The following RNF40 variants were observed in gnomAD, a reference collection of about 807,000 sequenced individuals.
RNF40 encodes E3 ubiquitin-protein ligase BRE1B.
A neutral mutation model predicts 123.3 loss-of-function variants in RNF40; 39 were observed. The observed-to-expected ratio is 0.32, with a 90% CI of 0.24 to 0.41. The LOEUF (loss-of-function observed/expected upper bound fraction) is 0.41, where lower values mean the gene tolerates loss of function less well. Ranked by LOEUF, RNF40 falls within the 10% of genes least tolerant of loss-of-function variation. The pLI is 1.00. For synonymous variants in RNF40, 538 were observed against 526.0 expected, an observed-to-expected ratio of 1.02 and a Z score of -0.31; for missense variants, 1,003 against 1,319.9, an observed-to-expected ratio of 0.76 and a Z score of 3.72.
Position 30,766,248 on chromosome 16 carries a change from T to C in RNF40, c.1079T>C (p.Leu360Pro). The C allele has an allele frequency of 6.2e-7, 1 of 1,614,146 alleles. No homozygotes were observed. The highest frequency in any genetic ancestry group is 8.5e-7 in the Non-Finnish European group (1 of 1,180,010). ...GAGCTGGAGAAACTGCAGGCCGAAC[T>C]TCAGGGGGCTGTGCGGACCAATGAG... ...MAELEKLQAE[L>P]QGAVRTNERL... The change falls in exon 9 of 20, where the codon CTT becomes CCT. Residue 360 changes from leucine to proline, a missense_variant. Physicochemically the swap from Leu to Pro is moderately conservative, Grantham distance 98. This residue lies in a region of RNF40 where 274 missense variants were observed against 356.9 expected (regional missense o/e 0.77). Coordinates refer to ENST00000324685, the MANE Select transcript of RNF40 (RefSeq NM_014771.4). The surrounding 1 kb of genome is among the most constrained non-coding windows in gnomAD (Gnocchi z 5.4).
chr16:30,768,903 C>A lies in RNF40; in HGVS notation c.2163C>A (p.Ile721=). The change falls in exon 15 of 20, where the codon ATC becomes ATA. Residue 721 remains isoleucine (I), a synonymous_variant. Transcript: ENST00000324685. The surrounding 1 kb of genome is among the most constrained non-coding windows in gnomAD (Gnocchi z 4.1). ...EERDRRESKK[I]ADEDALRRIR... ...GGGATCGAAGGGAGAGCAAGAAGAT[C>A]GCGGATGAGGATGCCCTGCGGCGCA... is the stretch of plus-strand genomic sequence containing the variant. 1.9e-6 allele frequency: 3 copies of A among 1,614,172 alleles called. No homozygotes were observed. Among genetic ancestry groups the A allele is most frequent in the Non-Finnish European group, 2.5e-6 (3 of 1,180,040 alleles).
Position 30,768,695 on chromosome 16 carries a change from A to G in RNF40, c.2056A>G (p.Lys686Glu), listed in dbSNP as rs1399180116. 2 of 1,614,118 alleles carry G rather than the reference A, an allele frequency of 1.2e-6. No homozygotes were observed. Among genetic ancestry groups the G allele is most frequent in the South Asian group, 1.1e-5 (1 of 91,084 alleles). Residue 686 changes from lysine (K) to glutamate (E), a missense_variant, in exon 14 of 20, where the codon AAG becomes GAG. Transcript: ENST00000324685. This position sits in a 1 kb window ranked among gnomAD's most constrained non-coding sequence, Gnocchi z 4.1. The part of the protein sequence containing the change: ...YKSAPKEQRD[K>E]VQLMAAERKA... ...GTCAGCGCCCAAGGAGCAGCGGGAT[A>G]AGGTGCAGCTCATGGCAGCGGAACG...
In RNF40 at chr16:30,763,107, T is replaced by C. The variant is rs548522437; in HGVS notation, c.133-11T>C. ...TGACGCTCTCGTCGGCCCCTTTGTT[T>C]CCTTTGGTAGGAGGAGATGGACCTG... is the stretch of plus-strand genomic sequence containing the variant. On this transcript the variant is annotated splice_polypyrimidine_tract_variant and intron_variant, in intron 2 of 19. Coordinates refer to ENST00000324685, the MANE Select transcript of RNF40 (RefSeq NM_014771.4). The C allele has an allele frequency of 6.2e-7, 1 of 1,613,366 alleles. No homozygotes were observed. The highest frequency in any genetic ancestry group is 1.1e-5 in the South Asian group (1 of 91,088).
Position 30,766,711 on chromosome 16 carries a change from T to C in RNF40, c.1294-30T>C. On this transcript the variant is annotated intron_variant, in intron 10 of 19. Transcript: ENST00000324685. This position sits in a 1 kb window ranked among gnomAD's most constrained non-coding sequence, Gnocchi z 5.4. ...GAGTCCTGAGGTGGGACCGAGGGGCTGTGTGGGTCCTTAACACATCAACCC... is the reference window on the plus strand; with the variant it reads ...GAGTCCTGAGGTGGGACCGAGGGGCCGTGTGGGTCCTTAACACATCAACCC... 6.2e-7 allele frequency: 1 copy of C among 1,613,304 alleles called. No individual in the cohort carries two copies. Among genetic ancestry groups the C allele is most frequent in the Non-Finnish European group, 8.5e-7 (1 of 1,179,666 alleles).
At chr16:30,762,995 G>C (rs976209481) in intron 2 of RNF40, 123 bp from the exon 3 acceptor site, 1 of 1,080,798 alleles carries the variant, frequency 9.3e-7, no homozygotes, top group Non-Finnish European at 1.3e-6. Flanking sequence ...TTCTGTTAGC[G>C]GTTAGTGTGG....
chr16:30,763,670 A>C, intron 4 of RNF40, 111 bp downstream of exon 4: 1 of 1,147,754 alleles, frequency 8.7e-7, no homozygotes, highest in Non-Finnish European at 1.2e-6. Context: ...CTTCTCACGA[A>C]ATGGATTTCA....
chr16:30,772,912 A>G (rs945969445), intron 19 of RNF40, among the ~76,000 whole-genome samples: 7 of 152,182 alleles, frequency 4.6e-5, no homozygotes, highest in Non-Finnish European at 1.0e-4. Flanking sequence ...GAGACATTTC[A>G]GAGGCAGAAT....
chr16:30,765,566 C>T (rs776656518), intron 8 of RNF40, 67 bp downstream of exon 8: 2 of 1,436,826 alleles, frequency 1.4e-6, no homozygotes, highest in East Asian at 2.3e-5. Context: ...AAATTCCCCT[C>T]AGGACAAAGG....
Position 30,764,913 on chromosome 16 carries a change from TCTTACCTGGGCC to T in RNF40, c.650-22_650-11del. 1 of 1,606,546 alleles carries T rather than the reference TCTTACCTGGGCC, an allele frequency of 6.2e-7. No homozygotes were observed. The highest frequency in any genetic ancestry group is 8.5e-7 in the Non-Finnish European group (1 of 1,177,130). On this transcript the variant is annotated splice_polypyrimidine_tract_variant and intron_variant, in intron 5 of 19. Coordinates refer to ENST00000324685, the MANE Select transcript of RNF40 (RefSeq NM_014771.4). ...TTTGCCCCATTGCCCTGAGCTGGGCTCTTACCTGGGCCCTGCCTTCCCAGGGGACAGTGAGCC... is the reference window on the plus strand; with the variant it reads ...TTTGCCCCATTGCCCTGAGCTGGGCTCTGCCTTCCCAGGGGACAGTGAGCC...
chr16:30,774,101 T>TCTACATCAGCTGAAC lies in RNF40; in HGVS notation c.2996_*4dup. On this transcript the variant is annotated stop_gained and inframe_insertion, in exon 20 of 20. Transcript: ENST00000324685. LOFTEE classifies it high-confidence loss of function. The stretch of plus-strand genomic sequence containing the variant: ...TTTGGTGCCCACGACTTCCATCGTA[T>TCTACATCAGCTGAAC]CTACATCAGCTGAACCTGAAACTCA... 6.2e-7 allele frequency: 1 copy of TCTACATCAGCTGAAC among 1,613,274 alleles called. No homozygotes were observed. Among genetic ancestry groups the TCTACATCAGCTGAAC allele is most frequent in the Non-Finnish European group, 8.5e-7 (1 of 1,179,378 alleles).
At position 30,762,562 on chromosome 16, in the gene RNF40, A is replaced by G. The variant is rs747860707; in HGVS notation, c.17A>G (p.Asn6Ser). The G allele has an allele frequency of 3.7e-6, 6 of 1,601,044 alleles. No individual in the cohort carries two copies. The African/African-American group carries it at 5.4e-5, about 14-fold the overall frequency. The change falls in exon 2 of 20, where the codon AAC becomes AGC. Residue 6 changes from asparagine (N) to serine (S), a missense_variant. Around this residue, in one of 11 missense-constraint regions of RNF40, gnomAD observed 51 missense variants for 56.2 expected, o/e 0.91. Transcript: ENST00000324685. MSGPG[N>S]KRAAGDGGSG... The stretch of plus-strand genomic sequence containing the variant: ...GCCGCGGCCATGTCTGGGCCAGGCA[A>G]CAAACGCGCCGCCGGCGACGGGGGC...
chr16:30,762,070 G>C (rs530243018), upstream of RNF40: 2 of 429,190 alleles, frequency 4.7e-6, no homozygotes, highest in African/African-American at 2.1e-5. Context: ...TACGAGGGCC[G>C]GTGCTGTCCT....
intron 11 of RNF40, 142 bp from the exon 12 acceptor site, chr16:30,767,752 T>G (rs980524021): frequency 1.7e-5 from 18 of 1,051,278 alleles, no homozygotes; most frequent in Admixed American, 7.0e-5. Flanking sequence ...TTATTTACTT[T>G]GATGAGTTCA....
chr16:30,768,087 C>T lies in RNF40; in HGVS notation c.1552-16C>T. 2 of 1,612,638 alleles carry T rather than the reference C, an allele frequency of 1.2e-6. No homozygotes were observed. Among genetic ancestry groups the T allele is most frequent in the Middle Eastern group, 1.6e-4 (1 of 6,062 alleles). ...ACACCATCTGACTTCATCCCTCTTCCTCTCTGCCTTTGCAGCTCCGGGCCC... is the reference window on the plus strand; with the variant it reads ...ACACCATCTGACTTCATCCCTCTTCTTCTCTGCCTTTGCAGCTCCGGGCCC... On this transcript the variant is annotated splice_polypyrimidine_tract_variant and intron_variant, in intron 12 of 19. Coordinates refer to ENST00000324685, the MANE Select transcript of RNF40 (RefSeq NM_014771.4). The surrounding 1 kb of genome is among the most constrained non-coding windows in gnomAD (Gnocchi z 4.1).
chr16:30,771,322 A>G (rs1016906882), intron 17 of RNF40, among the ~76,000 whole-genome samples: 6 of 152,112 alleles, frequency 3.9e-5, no homozygotes, highest in African/African-American at 1.2e-4. Context: ...TGAAAGCTCA[A>G]AAACCAGACA....
chr16:30,762,458 C>A lies in RNF40; in HGVS notation c.-71-17C>A. On this transcript the variant is annotated splice_polypyrimidine_tract_variant and intron_variant, in intron 1 of 19. Coordinates refer to ENST00000324685, the MANE Select transcript of RNF40 (RefSeq NM_014771.4). ...AACACCAGCCGTTCCCACATCTCTG[C>A]TCTGTGTCTTCTGCAGGTGACGGAA... is the stretch of plus-strand genomic sequence containing the variant. The A allele has an allele frequency of 1.5e-6, 2 of 1,370,038 alleles. No individual in the cohort carries two copies. The highest frequency in any genetic ancestry group is 2.9e-5 in the African/African-American group (2 of 68,340). 84.9% of individuals were successfully genotyped at this position (1,370,038 alleles called of 1,614,324 possible).
rs1032952703 is a variant in RNF40, at chr16:30,766,388, C to T, written c.1123C>T (p.Arg375Trp). Residue 375 changes from arginine to tryptophan, a missense_variant, in exon 10 of 20, where the codon CGG (arginine) becomes TGG (tryptophan). This residue lies in a region of RNF40 where 274 missense variants were observed against 356.9 expected (regional missense o/e 0.77). Transcript: ENST00000324685. The surrounding 1 kb of genome is among the most constrained non-coding windows in gnomAD (Gnocchi z 5.4). ...GGCATCCCTGCCCCAGGTGGCCCTG[C>T]GGAGCCTTCCTGAGGAGGTAGTGCG... Reference protein sequence around the residue: ...RTNERLKVALRSLPEEVVRET... With the variant: ...RTNERLKVALWSLPEEVVRET... 5 of 1,612,620 alleles carry T rather than the reference C, an allele frequency of 3.1e-6. No homozygotes were observed. Among genetic ancestry groups the T allele is most frequent in the South Asian group, 1.1e-5 (1 of 91,006 alleles).
intron 11 of RNF40, chr16:30,767,589 G>A (rs1175230031): frequency 3.8e-6 from 1 of 263,770 alleles, no homozygotes; most frequent in Non-Finnish European, 7.3e-6. Flanking sequence ...AGGATCACTT[G>A]AGGCCAGGAA....
At chr16:30,761,778 C>G (rs917384773), upstream of RNF40, 4 of 1,498,170 alleles carry the variant, frequency 2.7e-6, no homozygotes, top group Non-Finnish European at 3.6e-6. Context: ...GCGAGGCGCC[C>G]CGGGCTCCCG....
Sources: gnomAD v4.1 joint callset for allele counts (sites outside exome capture counted in the v4.1 genomes callset) on GRCh38, gnomAD v4.1.1 for gene constraint, gnomAD v4.1.1 regional missense constraint, Gnocchi (gnomAD v3.1) non-coding constraint, MANE v1.5 for transcripts, NCBI Gene and HGNC (gene_info 2026-07-23, HGNC 2026-07-21) for gene names.